NRG3: variants seen among roughly 807,000 people sequenced by gnomAD.
NRG3 encodes the protein pro-neuregulin-3, membrane-bound isoform.
Under a neutral mutation model 66.9 loss-of-function variants are expected in NRG3, and 31 were observed. That is an observed-to-expected ratio of 0.46 (90% CI 0.35 to 0.63). The LOEUF (loss-of-function observed/expected upper bound fraction) is 0.63, where lower values mean the gene tolerates loss of function less well. Among genes scored for constraint, NRG3 ranks in the 20% least tolerant of loss-of-function variants. NRG3 has a pLI of 0.00. For synonymous variants in NRG3, 393 were observed against 359.4 expected (o/e 1.09, Z -1.06); for missense variants, 910 against 878.9 (o/e 1.04, Z -0.45).
At position 82,951,563 on chromosome 10, in the gene NRG3, C is replaced by A. The variant is rs143902817; in HGVS notation, c.1149C>A (p.Phe383Leu). The A allele has an allele frequency of 3.7e-6, 6 of 1,612,624 alleles. No individual in the cohort carries two copies. The African/African-American group carries it at 6.7e-5, about 18-fold the overall frequency. The part of the protein sequence containing the change: ...IVGMFCAAFY[F>L]KSKKQAKQIQ... Reference sequence around the variant, plus strand: ...GCATGTTCTGTGCAGCATTCTACTTCAAAAGCAAGTAAGACTATTTCTCTC... The same window carrying A: ...GCATGTTCTGTGCAGCATTCTACTTAAAAAGCAAGTAAGACTATTTCTCTC... The change falls in exon 5 of 9, where the codon TTC (phenylalanine) becomes TTA (leucine). Residue 383 changes from phenylalanine to leucine, a missense_variant. Phe to Leu is a conservative substitution (Grantham distance 22). Coordinates refer to ENST00000372141, the MANE Select transcript of NRG3 (RefSeq NM_001010848.4).
At chr10:82,818,344 G>C (rs1320856888) in intron 3 of NRG3, among the ~76,000 whole-genome samples, 1 of 152,126 alleles carries the variant, frequency 6.6e-6, no homozygotes, top group African/African-American at 2.4e-5. Context: ...AGCCCTGCAA[G>C]TCTCCTACTT....
chr10:82,026,625 G>T (rs1354630762), intron 1 of NRG3, among the ~76,000 whole-genome samples: 1 of 151,212 alleles, frequency 6.6e-6, no homozygotes, highest in South Asian at 2.1e-4. Flanking sequence ...TTCATTATTT[G>T]GTAAATTTTT....
chr10:82,531,188 A>T (rs1014302524), intron 2 of NRG3, among the ~76,000 whole-genome samples: 1 of 151,776 alleles, frequency 6.6e-6, no homozygotes, highest in Non-Finnish European at 1.5e-5. Flanking sequence ...AATTTAAAGT[A>T]TTAAAAATAT....
chr10:82,091,914 C>T (rs59064778), intron 1 of NRG3, among the ~76,000 whole-genome samples: 5,749 of 152,224 alleles, frequency 0.038, 149 homozygotes, highest in East Asian at 0.1. Context: ...TGAGTGTCCC[C>T]TCATGCACCT....
At chr10:82,521,165 G>A (rs1490123472) in intron 2 of NRG3, among the ~76,000 whole-genome samples, 1 of 151,406 alleles carries the variant, frequency 6.6e-6, no homozygotes, top group Non-Finnish European at 1.5e-5. Context: ...TTTATTAAAT[G>A]TGCAATAACG....
At chr10:82,771,941 C>T (rs1056073354) in intron 3 of NRG3, among the ~76,000 whole-genome samples, 2 of 151,986 alleles carry the variant, frequency 1.3e-5, no homozygotes, top group African/African-American at 2.4e-5. Flanking sequence ...AATCTTTGTG[C>T]TTTATTTATT....
At chr10:82,029,525 C>T (rs1335566755) in intron 1 of NRG3, among the ~76,000 whole-genome samples, 1 of 152,122 alleles carries the variant, frequency 6.6e-6, no homozygotes, top group East Asian at 1.9e-4. Context: ...TCTCACCTGC[C>T]TTGCTGTATT....
intron 1 of NRG3, among the ~76,000 whole-genome samples, chr10:82,220,164 A>G (rs73304635): frequency 1.7e-3 from 250 of 148,402 alleles, no homozygotes; most frequent in African/African-American, 5.8e-3. Flanking sequence ...TGATTCTTCA[A>G]TCATGTGGGC....
chr10:82,519,421 T>G (rs1845989102), intron 2 of NRG3, among the ~76,000 whole-genome samples: 1 of 152,184 alleles, frequency 6.6e-6, no homozygotes, highest in Non-Finnish European at 1.5e-5. Flanking sequence ...TTCTGAAAAT[T>G]TAGCAATGTA....
rs562756047 is a variant in NRG3 at position 82,799,565 on chromosome 10, G to T, written c.1027+60915G>T. Among the ~76,000 whole-genome samples the T allele has an allele frequency of 4.8e-4, 72 of 150,784 alleles. 2 individuals carry two copies. In the South Asian group the frequency reaches 0.015, roughly 30 times the overall value. On this transcript the variant is annotated intron_variant, in intron 3 of 8. Coordinates refer to ENST00000372141, the MANE Select transcript of NRG3 (RefSeq NM_001010848.4). Reference sequence around the variant, plus strand: ...AAAGACATTTCAGTCTAACGTAAAGGAAATCTCTCTAGAAACTGGAGTATT... The same window carrying T: ...AAAGACATTTCAGTCTAACGTAAAGTAAATCTCTCTAGAAACTGGAGTATT...
intron 3 of NRG3, among the ~76,000 whole-genome samples, chr10:82,782,473 CA>C (rs2060158769): frequency 6.6e-6 from 1 of 152,028 alleles, no homozygotes; most frequent in Admixed American, 6.6e-5. Flanking sequence ...TATTTATAAA[CA>C]GAATACCTAG....
At chr10:82,361,014 C>T (rs2084103021) in intron 2 of NRG3, among the ~76,000 whole-genome samples, 1 of 152,014 alleles carries the variant, frequency 6.6e-6, no homozygotes, top group African/African-American at 2.4e-5. Context: ...CTGTGAAGAC[C>T]TTTCTCCAAA....
intron 6 of NRG3, among the ~76,000 whole-genome samples, chr10:82,971,436 CTT>C (rs11289529): frequency 0.025 from 3,058 of 121,826 alleles, 30 homozygotes; most frequent in Non-Finnish European, 0.034. Flanking sequence ...GAAAGCCGTT[CTT>C]TTTTTTTTTT....
At chr10:81,894,147 C>T (rs986096377) in intron 1 of NRG3, among the ~76,000 whole-genome samples, 5 of 152,066 alleles carry the variant, frequency 3.3e-5, no homozygotes, top group African/African-American at 1.2e-4. Flanking sequence ...TTAAGACCAA[C>T]CTGATCAACA....
chr10:81,886,219 G>A (rs1842603758), intron 1 of NRG3, among the ~76,000 whole-genome samples: 1 of 152,254 alleles, frequency 6.6e-6, no homozygotes, highest in South Asian at 2.1e-4. Flanking sequence ...ACTCCATGCC[G>A]AGCAGGTACA....
intron 3 of NRG3, among the ~76,000 whole-genome samples, chr10:82,754,013 G>A (rs997030093): frequency 6.6e-6 from 1 of 150,560 alleles, no homozygotes; most frequent in Admixed American, 6.6e-5. Flanking sequence ...AAAAATTTTA[G>A]GAATGTAATT....
chr10:81,915,467 A>T (rs1377997199), intron 1 of NRG3, among the ~76,000 whole-genome samples: 1 of 149,458 alleles, frequency 6.7e-6, no homozygotes, highest in African/African-American at 2.5e-5. Flanking sequence ...TTTCTCCTGA[A>T]ATTGTTAAAG....
intron 1 of NRG3, among the ~76,000 whole-genome samples, chr10:82,043,151 A>G (rs1187945937): frequency 1.3e-5 from 2 of 152,028 alleles, no homozygotes; most frequent in African/African-American, 4.8e-5. Context: ...ATTATCTTTA[A>G]GTGAGGACAG....
intron 1 of NRG3, among the ~76,000 whole-genome samples, chr10:82,251,860 G>A (rs1306641045): frequency 6.6e-6 from 1 of 152,070 alleles, no homozygotes; most frequent in African/African-American, 2.4e-5. Context: ...CCCTGTGGGG[G>A]GCTTCTTGTC....
Sources: gnomAD v4.1 joint callset for allele counts (sites outside exome capture counted in the v4.1 genomes callset) on GRCh38, gnomAD v4.1.1 for gene constraint, MANE v1.5 for transcripts, NCBI Gene and HGNC (gene_info 2026-07-23, HGNC 2026-07-21) for gene names.